STARD13: variants seen among roughly 807,000 people sequenced by gnomAD.
The protein encoded by STARD13 is stAR-related lipid transfer protein 13.
In STARD13, 62 loss-of-function variants were observed where a neutral mutation model predicts 106.4. The observed-to-expected ratio is 0.58, with a 90% CI of 0.48 to 0.72. STARD13 has a LOEUF of 0.72. STARD13 is among the 30% of genes least tolerant of loss of function. STARD13 has a pLI of 0.00. For missense variants in STARD13, 1,387 were observed against 1,424.0 expected, an observed-to-expected ratio of 0.97 and a Z score of 0.42; for synonymous variants, 565 against 553.0, an observed-to-expected ratio of 1.02 and a Z score of -0.31.
chr13:33,280,146 C>T (rs7991196), intron 1 of STARD13: 149,185 of 152,304 alleles, frequency 0.98, 73,157 homozygotes, highest in East Asian at 1. Context: ...CAAATGATTG[C>T]TTAATTTAGG....
chr13:33,171,833 C>G (rs1447333225), intron 1 of STARD13, among the ~76,000 whole-genome samples: 1 of 152,230 alleles, frequency 6.6e-6, no homozygotes, highest in Non-Finnish European at 1.5e-5. Context: ...CCACTTAAGG[C>G]AAAGTCACTG....
the STARD13 span, among the ~76,000 whole-genome samples, chr13:33,478,545 A>C: frequency 6.6e-6 from 1 of 152,184 alleles, no homozygotes; most frequent in African/African-American, 2.4e-5. Context: ...AACTGATGTT[A>C]CTTTTTTTTC....
At position 33,284,953 on chromosome 13, in the gene STARD13, T is replaced by A. The variant is rs76554244; in HGVS notation, c.169+517A>T. ...ACAATATTAACACATCTGTGGCAACTGCTGACATAAACATACAAACAGGAA... is the reference window on the plus strand; with the variant it reads ...ACAATATTAACACATCTGTGGCAACAGCTGACATAAACATACAAACAGGAA... On this transcript the variant is annotated intron_variant, in intron 1 of 13. Coordinates refer to ENST00000336934, the MANE Select transcript of STARD13 (RefSeq NM_178006.4). Among the ~76,000 whole-genome samples, 1,121 of 152,306 alleles carry A rather than the reference T, an allele frequency of 7.4e-3. 9 individuals carry two copies. The highest frequency in any genetic ancestry group is 0.025 in the African/African-American group (1,055 of 41,570).
chr13:33,275,380 T>C (rs1010207631), intron 1 of STARD13, among the ~76,000 whole-genome samples: 6 of 152,230 alleles, frequency 3.9e-5, no homozygotes, highest in African/African-American at 1.4e-4. Flanking sequence ...AATAATCATT[T>C]TGTCTTAAAT....
intron 1 of STARD13, among the ~76,000 whole-genome samples, chr13:33,304,611 T>A (rs1892838011): frequency 6.6e-6 from 1 of 152,206 alleles, no homozygotes; most frequent in Non-Finnish European, 1.5e-5. Flanking sequence ...TAAAAATATA[T>A]AAGTTAATGT....
At chr13:33,185,731 C>T in intron 1 of STARD13, 1 of 708,070 alleles carries the variant, frequency 1.4e-6, no homozygotes, top group Non-Finnish European at 2.4e-6. Flanking sequence ...TTCCTCTTTG[C>T]CTCTCTGATT....
At chr13:33,363,518 A>C in the STARD13 span, among the ~76,000 whole-genome samples, 1 of 152,190 alleles carries the variant, frequency 6.6e-6, no homozygotes, top group Non-Finnish European at 1.5e-5. Context: ...TTAAATCTTC[A>C]TCACTGTCCT....
the STARD13 span, among the ~76,000 whole-genome samples, chr13:33,427,754 G>A: frequency 9.2e-5 from 14 of 152,160 alleles, no homozygotes; most frequent in Non-Finnish European, 1.5e-4. Flanking sequence ...TCAGGAGTTC[G>A]AGACCAGCCT....
At chr13:33,601,012 G>A in the STARD13 span, among the ~76,000 whole-genome samples, 61 of 152,232 alleles carry the variant, frequency 4.0e-4, no homozygotes, top group African/African-American at 1.3e-3. Flanking sequence ...GATGGAAAAT[G>A]TTATTTTCAT....
At position 33,112,393 on chromosome 13, in the gene STARD13, G is replaced by C. The variant is rs1038879044; in HGVS notation, c.2492+328C>G. On this transcript the variant is annotated intron_variant, in intron 9 of 13. Coordinates refer to ENST00000336934, the MANE Select transcript of STARD13 (RefSeq NM_178006.4). ...GAAAAGAGTGTTGACAAATCCTGAA[G>C]TTGAAATGTAGCATGAGACACATTT... Among the ~76,000 whole-genome samples, 21 of 152,262 alleles carry C rather than the reference G, an allele frequency of 1.4e-4. No homozygotes were observed. In the South Asian group the frequency reaches 3.3e-3, roughly 24 times the overall value.
chr13:33,323,672 T>C (rs1000220421), intron 1 of STARD13, among the ~76,000 whole-genome samples: 3 of 152,192 alleles, frequency 2.0e-5, no homozygotes, highest in African/African-American at 7.2e-5. Flanking sequence ...TTCTATACTT[T>C]AAACTTGATT....
chr13:33,581,615 A>G, the STARD13 span, among the ~76,000 whole-genome samples: 1 of 152,214 alleles, frequency 6.6e-6, no homozygotes, highest in Admixed American at 6.5e-5. Context: ...TATTGTAAAT[A>G]TTATAAATAC....
intron 12 of STARD13, among the ~76,000 whole-genome samples, chr13:33,108,029 A>C (rs776862894): frequency 5.9e-5 from 9 of 152,246 alleles, no homozygotes; most frequent in Non-Finnish European, 8.8e-5. Flanking sequence ...AGCGACTTCC[A>C]TGCTGTGACT....
At chr13:33,309,106 A>G (rs1813564875) in intron 1 of STARD13, among the ~76,000 whole-genome samples, 1 of 152,230 alleles carries the variant, frequency 6.6e-6, no homozygotes, top group African/African-American at 2.4e-5. Context: ...TTAATGAGAA[A>G]CACTGGATGT....
chr13:33,359,212 G>A, the STARD13 span, among the ~76,000 whole-genome samples: 9,915 of 152,138 alleles, frequency 0.065, 441 homozygotes, highest in Non-Finnish European at 0.1. Context: ...GCTTTTATGA[G>A]CTGCTATGAG....
At chr13:33,542,766 G>A in the STARD13 span, among the ~76,000 whole-genome samples, 47 of 152,220 alleles carry the variant, frequency 3.1e-4, no homozygotes, top group African/African-American at 1.0e-3. Flanking sequence ...CAAAGGAAGG[G>A]ATCCGGTGAC....
intron 7 of STARD13, among the ~76,000 whole-genome samples, chr13:33,120,315 C>T (rs1056933584): frequency 1.3e-5 from 2 of 152,230 alleles, no homozygotes; most frequent in African/African-American, 4.8e-5. Context: ...CATGTGCGTG[C>T]ACACACACAT....
the STARD13 span, among the ~76,000 whole-genome samples, chr13:33,655,250 C>T: frequency 6.6e-6 from 1 of 152,184 alleles, no homozygotes; most frequent in African/African-American, 2.4e-5. Flanking sequence ...TTTTGAATTG[C>T]ATGGACTAAA....
chr13:33,526,126 A>C, the STARD13 span, among the ~76,000 whole-genome samples: 1 of 151,684 alleles, frequency 6.6e-6, no homozygotes, highest in Non-Finnish European at 1.5e-5. Context: ...ACTGCTGTGT[A>C]CTTTTTTTTT....
Sources: gnomAD v4.1 joint callset for allele counts (sites outside exome capture counted in the v4.1 genomes callset) on GRCh38, gnomAD v4.1.1 for gene constraint, MANE v1.5 for transcripts, NCBI Gene and HGNC (gene_info 2026-07-23, HGNC 2026-07-21) for gene names.